The following MAPDA variants were observed in gnomAD, a reference collection of about 807,000 sequenced individuals.
MAPDA encodes N6,N6-dimethyl-AMP deaminase.
At chr15:43,334,908 C>T in the MAPDA span, 1 of 479,426 alleles carries the variant, frequency 2.1e-6, no homozygotes, top group Non-Finnish European at 3.6e-6. Context: ...TGTTTCTTTG[C>T]TTTTACATCT....
At chr15:43,332,307 G>C in the MAPDA span, 1 of 152,040 alleles carries the variant, frequency 6.6e-6, no homozygotes, top group Non-Finnish European at 1.5e-5. Flanking sequence ...ATGCCTGCTG[G>C]GTCAGTGGAT....
chr15:43,343,881 A>G, the MAPDA span, among the ~76,000 whole-genome samples: 1 of 151,458 alleles, frequency 6.6e-6, no homozygotes. Flanking sequence ...AATAACCCCA[A>G]TAAAAAACCA....
chr15:43,354,510 AT>A, the MAPDA span: 2 of 152,326 alleles, frequency 1.3e-5, no homozygotes, highest in South Asian at 4.1e-4. Context: ...ATAAAGTTTT[AT>A]AGTCCTTTTT....
chr15:43,342,579 G>A, the MAPDA span, among the ~76,000 whole-genome samples: 9 of 151,398 alleles, frequency 5.9e-5, no homozygotes, highest in Non-Finnish European at 1.0e-4. Flanking sequence ...GCAAAACCCC[G>A]TCTCTACTAA....
the MAPDA span, among the ~76,000 whole-genome samples, chr15:43,347,754 G>A: frequency 6.6e-6 from 1 of 152,098 alleles, no homozygotes; most frequent in Admixed American, 6.5e-5. Context: ...TTACCTCACA[G>A]TTATTGTATT....
At chr15:43,352,117 C>T in the MAPDA span, 1 of 521,558 alleles carries the variant, frequency 1.9e-6, no homozygotes, top group Non-Finnish European at 3.2e-6. Flanking sequence ...CTTCAACTGA[C>T]TCACAAGCTC....
chr15:43,352,556 A>T, the MAPDA span: 1 of 152,070 alleles, frequency 6.6e-6, no homozygotes, highest in Non-Finnish European at 1.5e-5. Context: ...AAAAACCGGA[A>T]ATTAGTCAGG....
chr15:43,335,471 T>G, the MAPDA span, among the ~76,000 whole-genome samples: 19 of 151,964 alleles, frequency 1.3e-4, no homozygotes, highest in Non-Finnish European at 2.5e-4. Context: ...GAATCGGAGG[T>G]TACAGTGAGC....
chr15:43,343,103 C>T, the MAPDA span: 6 of 1,451,274 alleles, frequency 4.1e-6, no homozygotes, highest in South Asian at 2.7e-5. Flanking sequence ...TAGTAGTTAA[C>T]ATTTACAAAA....
the MAPDA span, among the ~76,000 whole-genome samples, chr15:43,335,529 A>G: frequency 1.3e-5 from 2 of 152,136 alleles, no homozygotes; most frequent in Non-Finnish European, 2.9e-5. Context: ...GGGAGACTCC[A>G]TCTCAAAAAA....
the MAPDA span, among the ~76,000 whole-genome samples, chr15:43,348,582 G>T: frequency 4.8e-4 from 73 of 152,044 alleles, no homozygotes; most frequent in Non-Finnish European, 9.0e-4. Flanking sequence ...TTTATTTTTT[G>T]AAAATTACTT....
At chr15:43,339,195 A>G in the MAPDA span, among the ~76,000 whole-genome samples, 2,842 of 152,336 alleles carry the variant, frequency 0.019, 43 homozygotes, top group Middle Eastern at 0.034. Context: ...TGGAGGCTGC[A>G]GTATCATGCT....
chr15:43,348,401 A>G, the MAPDA span, among the ~76,000 whole-genome samples: 1 of 152,178 alleles, frequency 6.6e-6, no homozygotes, highest in Non-Finnish European at 1.5e-5. Flanking sequence ...AAAAAAATCC[A>G]AGTGTCAAGA....
chr15:43,348,182 G>A, the MAPDA span, among the ~76,000 whole-genome samples: 6 of 152,182 alleles, frequency 3.9e-5, no homozygotes, highest in Admixed American at 3.9e-4. Context: ...AGCACAGCCA[G>A]ACATTTTCAT....
chr15:43,351,888 C>G, the MAPDA span: 2 of 1,551,520 alleles, frequency 1.3e-6, no homozygotes, highest in Non-Finnish European at 1.7e-6. Flanking sequence ...CTGACAGCAC[C>G]AGATCTGAAC....
At chr15:43,350,783 C>T in the MAPDA span, among the ~76,000 whole-genome samples, 1 of 152,184 alleles carries the variant, frequency 6.6e-6, no homozygotes, top group Admixed American at 6.5e-5. Context: ...AGTAATTGAA[C>T]TACAAATTTT....
chr15:43,346,319 G>T, the MAPDA span, among the ~76,000 whole-genome samples: 1 of 152,190 alleles, frequency 6.6e-6, no homozygotes, highest in Non-Finnish European at 1.5e-5. Context: ...GGGTATTAGG[G>T]CTTAACTGTC....
At chr15:43,330,974 C>T in the MAPDA span, 2 of 153,006 alleles carry the variant, frequency 1.3e-5, no homozygotes, top group African/African-American at 2.4e-5. Context: ...AGTTAGCTTC[C>T]TTGGGTGCTA....
the MAPDA span, chr15:43,353,760 A>G: frequency 1.3e-5 from 2 of 152,238 alleles, no homozygotes; most frequent in African/African-American, 4.8e-5. Context: ...AACTGAACAT[A>G]TGGAGGTCCC....
Sources: allele counts gnomAD v4.1 joint callset (sites outside exome capture counted in the v4.1 genomes callset), GRCh38; gene constraint gnomAD v4.1.1; transcripts MANE v1.5; gene names NCBI Gene and HGNC (gene_info 2026-07-23, HGNC 2026-07-21).